EHBP1: variants seen among roughly 807,000 people sequenced by gnomAD.
The protein encoded by EHBP1 is EH domain-binding protein 1.
Under a neutral mutation model 144.0 loss-of-function variants are expected in EHBP1, and 55 were observed. That is an observed-to-expected ratio of 0.38 (90% CI 0.31 to 0.48). The LOEUF is 0.48. Among genes scored for constraint, EHBP1 ranks in the 20% least tolerant of loss-of-function variants. EHBP1 has a pLI of 0.98. For synonymous variants in EHBP1, 469 were observed against 472.7 expected (o/e 0.99, Z 0.10); for missense variants, 1,200 against 1,364.2 (o/e 0.88, Z 1.90).
At position 62,804,935 on chromosome 2, in the gene EHBP1, A is replaced by C. The variant is rs1346941115; in HGVS notation, c.313-21152A>C. Among the ~76,000 whole-genome samples the C allele has an allele frequency of 2.0e-5, 3 of 152,310 alleles. No homozygotes were observed. In the East Asian group the frequency reaches 5.8e-4, roughly 29 times the overall value. ...TGATGACCTGAGGTGGAACAGTTTC[A>C]TCCTGAAACCATCCCCTGCCCTTCA... On this transcript the variant is annotated intron_variant, in intron 5 of 22. Coordinates refer to ENST00000431489, the MANE Select transcript of EHBP1 (RefSeq NM_001142616.3).
At chr2:62,745,101 T>G (rs529410764) in intron 2 of EHBP1, among the ~76,000 whole-genome samples, 1 of 152,218 alleles carries the variant, frequency 6.6e-6, no homozygotes, top group African/African-American at 2.4e-5. Context: ...CTGGCTTCAG[T>G]TGGACCTCAT....
intron 2 of EHBP1, among the ~76,000 whole-genome samples, chr2:62,737,099 G>C (rs2038211285): frequency 6.6e-6 from 1 of 152,306 alleles, no homozygotes; most frequent in South Asian, 2.1e-4. Flanking sequence ...AGGATGGCTA[G>C]AATGGGCTGG....
chr2:62,996,855 C>T (rs1273431449), intron 19 of EHBP1, 89 bp downstream of exon 19: 2 of 1,542,454 alleles, frequency 1.3e-6, no homozygotes, highest in Admixed American at 4.5e-5. Flanking sequence ...ATCTTTGAAG[C>T]CTGAATGTTC....
At chr2:62,761,331 C>T (rs771718334) in intron 3 of EHBP1, among the ~76,000 whole-genome samples, 1 of 152,094 alleles carries the variant, frequency 6.6e-6, no homozygotes, top group Non-Finnish European at 1.5e-5. Context: ...TGATGAGCCT[C>T]TGTTTCCATC....
chr2:62,798,366 A>C lies in EHBP1; in HGVS notation c.312+26974A>C, dbSNP rs553583413. 9.2e-5 allele frequency among the ~76,000 whole-genome samples: 13 copies of C among 141,214 alleles called. No homozygotes were observed. In the East Asian group the frequency reaches 2.4e-3, roughly 26 times the overall value. The allele number at this position is 141,214 out of a possible 152,430, so 92.6% of individuals were successfully genotyped here. On this transcript the variant is annotated intron_variant, in intron 5 of 22. Transcript: ENST00000431489. ...CTGGGTGACAGAGTGAGACTCCGTC[A>C]AAAAAAAAAAAAGAAAGAAATATCT...
chr2:62,858,549 C>A, intron 7 of EHBP1: 1 of 1,366,654 alleles, frequency 7.3e-7, no homozygotes, highest in Non-Finnish European at 1.0e-6. Context: ...CTTCTGATTG[C>A]CTGTATTTAC....
At chr2:62,986,100 T>A (rs1337381498) in intron 15 of EHBP1, among the ~76,000 whole-genome samples, 2 of 152,154 alleles carry the variant, frequency 1.3e-5, no homozygotes, top group African/African-American at 2.4e-5. Flanking sequence ...CTACATTAGA[T>A]CCCTAAAAAC....
At chr2:62,847,421 T>C (rs2048368674) in intron 7 of EHBP1, among the ~76,000 whole-genome samples, 1 of 152,192 alleles carries the variant, frequency 6.6e-6, no homozygotes. Flanking sequence ...TAGAAACCTG[T>C]GTTTCTGACC....
intron 1 of EHBP1, among the ~76,000 whole-genome samples, chr2:62,699,834 G>T (rs1482951370): frequency 6.6e-6 from 1 of 152,212 alleles, no homozygotes; most frequent in Non-Finnish European, 1.5e-5. Context: ...CCAGTGGATA[G>T]AATCTGTAGA....
intron 6 of EHBP1, among the ~76,000 whole-genome samples, chr2:62,829,032 T>A (rs1468759597): frequency 6.6e-6 from 1 of 151,754 alleles, no homozygotes; most frequent in Admixed American, 6.6e-5. Flanking sequence ...GCGGGATGAT[T>A]GCTTGAGCCC....
rs79372316 is a variant in EHBP1, at chr2:62,849,312, G to A, written c.635-9857G>A. Among the ~76,000 whole-genome samples, 56 of 152,218 alleles carry A rather than the reference G, an allele frequency of 3.7e-4. 1 individual carries two copies. In the East Asian group the frequency reaches 9.5e-3, roughly 26 times the overall value. On this transcript the variant is annotated intron_variant, in intron 7 of 22. Transcript: ENST00000431489. Reference sequence around the variant, plus strand: ...TGTGGACAGGCCACTTGGAGAGAGAGAGAGATGCTGGGCCATCTGCGAGTT... The same window carrying A: ...TGTGGACAGGCCACTTGGAGAGAGAAAGAGATGCTGGGCCATCTGCGAGTT...
chr2:62,849,838 G>A (rs376268689), intron 7 of EHBP1, among the ~76,000 whole-genome samples: 1 of 152,124 alleles, frequency 6.6e-6, no homozygotes, highest in East Asian at 1.9e-4. Flanking sequence ...TGTGTGAGGG[G>A]ACTATCTATG....
chr2:63,034,254 G>T (rs1338301039), intron 19 of EHBP1, among the ~76,000 whole-genome samples: 1 of 151,810 alleles, frequency 6.6e-6, no homozygotes, highest in East Asian at 1.9e-4. Context: ...TAACAACTCA[G>T]CCATGCTTTC....
At chr2:62,729,933 A>C (rs2037346220) in intron 2 of EHBP1, among the ~76,000 whole-genome samples, 1 of 152,104 alleles carries the variant, frequency 6.6e-6, no homozygotes, top group African/African-American at 2.4e-5. Flanking sequence ...ATGTACAGAC[A>C]TACCTCAGAG....
intron 19 of EHBP1, among the ~76,000 whole-genome samples, chr2:63,021,166 T>C (rs1408323868): frequency 6.6e-6 from 1 of 151,616 alleles, no homozygotes; most frequent in African/African-American, 2.4e-5. Context: ...AATATACACA[T>C]CTCGTTCTAT....
At chr2:62,879,205 G>A (rs940451327) in intron 10 of EHBP1, among the ~76,000 whole-genome samples, 1 of 152,068 alleles carries the variant, frequency 6.6e-6, no homozygotes, top group African/African-American at 2.4e-5. Flanking sequence ...GCAAAAGCTG[G>A]AAGTATTCCC....
chr2:62,995,886 C>T (rs2059611378), intron 18 of EHBP1, among the ~76,000 whole-genome samples: 1 of 151,852 alleles, frequency 6.6e-6, no homozygotes, highest in African/African-American at 2.4e-5. Context: ...ATGGATGGTT[C>T]AAAAAGTAAA....
chr2:62,832,819 GT>G (rs2046928632), intron 7 of EHBP1, among the ~76,000 whole-genome samples: 1 of 152,122 alleles, frequency 6.6e-6, no homozygotes, highest in African/African-American at 2.4e-5. Flanking sequence ...CATTAGGCCA[GT>G]TAATAACCCT....
Position 63,029,970 on chromosome 2 carries a change from A to G in EHBP1, c.3104-7565A>G, listed in dbSNP as rs377733562. ...GGTCTCAAACTCCTGATCTCAGGTG[A>G]TCTGCCCACCTCAGCCTCCCAAAGT... is the stretch of plus-strand genomic sequence containing the variant. On this transcript the variant is annotated intron_variant, in intron 19 of 22. Coordinates refer to ENST00000431489, the MANE Select transcript of EHBP1 (RefSeq NM_001142616.3). Among the ~76,000 whole-genome samples, 21 of 152,230 alleles carry G rather than the reference A, an allele frequency of 1.4e-4. No individual in the cohort carries two copies. In the South Asian group the frequency reaches 2.5e-3, roughly 18 times the overall value.
Sources: allele counts gnomAD v4.1 joint callset (sites outside exome capture counted in the v4.1 genomes callset), GRCh38; gene constraint gnomAD v4.1.1; transcripts MANE v1.5; gene names NCBI Gene and HGNC (gene_info 2026-07-23, HGNC 2026-07-21).